The following CBR4 variants were observed in gnomAD, a reference collection of about 807,000 sequenced individuals.
CBR4 encodes carbonyl reductase 4.
CBR4 carries 22 observed loss-of-function variants against 21.0 expected under a neutral mutation model. The observed-to-expected ratio is 1.05, with a 90% CI of 0.75 to 1.50. The LOEUF is 1.50. CBR4 is among the 40% of genes most tolerant of loss of function. The pLI is 0.00. For missense variants in CBR4, 302 were observed against 286.3 expected (o/e 1.05, Z -0.40); for synonymous variants, 100 against 104.4 (o/e 0.96, Z 0.26).
chr4:168,959,587 A>G (rs1763786742), intron 2 of CBR4, among the ~76,000 whole-genome samples: 1 of 114,034 alleles, frequency 8.8e-6, no homozygotes, highest in Non-Finnish European at 1.6e-5. Context: ...TTTTTTGGAG[A>G]TAGAGTCTCA....
At chr4:169,006,013 A>C (rs1730883112) in intron 3 of CBR4, 1 of 795,638 alleles carries the variant, frequency 1.3e-6, no homozygotes, top group Admixed American at 2.4e-5. Flanking sequence ...TTGCATTTTA[A>C]GTTCTACAGG....
chr4:168,947,122 A>G (rs1242363315), intron 2 of CBR4, among the ~76,000 whole-genome samples: 2 of 152,040 alleles, frequency 1.3e-5, no homozygotes, highest in African/African-American at 4.8e-5. Context: ...TGCCCCTGTC[A>G]TGTTTTTTTT....
chr4:168,926,538 CA>C (rs1762604204), intron 2 of CBR4: 5 of 590,216 alleles, frequency 8.5e-6, no homozygotes, highest in Non-Finnish European at 1.5e-5. Flanking sequence ...CTTGATATAC[CA>C]AACTTAGTTT....
intron 2 of CBR4, among the ~76,000 whole-genome samples, chr4:168,945,202 C>T (rs185010939): frequency 1.4e-4 from 21 of 152,262 alleles, no homozygotes; most frequent in African/African-American, 4.8e-4. Flanking sequence ...GAGCCCAGCA[C>T]TCTGCATTTT....
chr4:168,956,597 C>CAAAAAAAAAAA, intron 2 of CBR4, among the ~76,000 whole-genome samples: 1 of 29,674 alleles, frequency 3.4e-5, no homozygotes, highest in Non-Finnish European at 6.3e-5. Context: ...GACCCTGTCT[C>CAAAAAAAAAAA]AAAAAAAAAA....
At position 168,940,237 on chromosome 4, in the gene CBR4, A is replaced by G. The variant is rs139811794; in HGVS notation, n.170-45472T>C. Among the ~76,000 whole-genome samples, 736 of 152,330 alleles carry G rather than the reference A, an allele frequency of 4.8e-3. 7 individuals carry two copies. Among genetic ancestry groups the G allele is most frequent in the Admixed American group, 5.5e-3 (84 of 15,310 alleles). The stretch of plus-strand genomic sequence containing the variant: ...GCTGCTGGGAAAACTGGCTAGCCAT[A>G]TGCAGAAAACTGAAACTGAACCCCT... On this transcript the variant is annotated intron_variant and non_coding_transcript_variant, in intron 2 of 3. Transcript: ENST00000509108.
intron 4 of CBR4, chr4:169,001,151 AT>A (rs200561073): frequency 0.013 from 1,684 of 132,190 alleles, 10 homozygotes; most frequent in African/African-American, 0.022. Flanking sequence ...CACCCAGCTA[AT>A]TTTTTTTTTT....
chr4:169,008,486 T>G (rs1731110722), intron 1 of CBR4, among the ~76,000 whole-genome samples: 1 of 152,222 alleles, frequency 6.6e-6, no homozygotes, highest in African/African-American at 2.4e-5. Context: ...AAACAATTCT[T>G]TATTTTCTGT....
At chr4:169,006,938 A>G in intron 2 of CBR4, 47 bp from the exon 3 acceptor site, 1 of 1,496,166 alleles carries the variant, frequency 6.7e-7, no homozygotes, top group Non-Finnish European at 9.3e-7. Flanking sequence ...CAAGATAAAA[A>G]CCAAAAAGGT....
chr4:168,954,533 AC>A (rs1393252604), intron 2 of CBR4, among the ~76,000 whole-genome samples: 2 of 152,192 alleles, frequency 1.3e-5, no homozygotes, highest in Non-Finnish European at 2.9e-5. Context: ...TAATACTATC[AC>A]AATGGCAATT....
At chr4:168,946,199 C>T (rs138864604) in intron 2 of CBR4, among the ~76,000 whole-genome samples, 9 of 152,266 alleles carry the variant, frequency 5.9e-5, no homozygotes, top group African/African-American at 2.2e-4. Context: ...CAGCTTTCTT[C>T]CCTCTTTGGG....
chr4:168,925,031 A>AGAAT (rs748489494), intron 2 of CBR4: 1 of 1,614,140 alleles, frequency 6.2e-7, no homozygotes, highest in Non-Finnish European at 8.5e-7. Flanking sequence ...GTGTCAGCCA[A>AGAAT]GAATGAAGCA....
At chr4:169,003,680 TA>T (rs200793114) in intron 3 of CBR4, among the ~76,000 whole-genome samples, 1,728 of 151,914 alleles carry the variant, frequency 0.011, 48 homozygotes, top group African/African-American at 0.04. Flanking sequence ...TGTCTTATTC[TA>T]AGACTTGGAA....
At position 168,987,675 on chromosome 4, in the gene CBR4, C is replaced by T. The variant is rs1764735351; in HGVS notation, c.*2475G>A. ...ATGATTTCTCAATTTACACATATTC[C>T]TTTTGAAAATCTTAGAAAAAATGTT... On this transcript the variant is annotated 3_prime_UTR_variant, in exon 5 of 5. Transcript: ENST00000306193. The T allele has an allele frequency of 1.0e-6, 1 of 978,384 alleles. No individual in the cohort carries two copies. Among genetic ancestry groups the T allele is most frequent in the Admixed American group, 6.2e-5 (1 of 16,258 alleles). The allele number at this position is 978,384 out of a possible 1,614,324, so 60.6% of individuals were successfully genotyped here. A position where few individuals can be genotyped will look rare whatever the true frequency, so the allele number is the denominator to read the frequency against.
intron 4 of CBR4, 78 bp from the exon 5 acceptor site, chr4:168,990,406 T>G (rs1050266827): frequency 5.3e-5 from 68 of 1,284,208 alleles, no homozygotes; most frequent in Non-Finnish European, 6.7e-5. Context: ...ATAATAAATT[T>G]GTTTCTGAAA....
chr4:168,895,857 C>T (rs948972209), intron 2 of CBR4, among the ~76,000 whole-genome samples: 12 of 152,138 alleles, frequency 7.9e-5, no homozygotes, highest in Non-Finnish European at 1.6e-4. Context: ...TGTTCTTCAA[C>T]TTAGTATGGG....
At chr4:168,937,369 A>G (rs764803281) in intron 2 of CBR4, among the ~76,000 whole-genome samples, 9 of 152,214 alleles carry the variant, frequency 5.9e-5, no homozygotes, top group Non-Finnish European at 1.0e-4. Flanking sequence ...ACCAAACTGT[A>G]AAGACCATCA....
chr4:168,922,325 A>G (rs1473664141), intron 2 of CBR4, among the ~76,000 whole-genome samples: 1 of 152,194 alleles, frequency 6.6e-6, no homozygotes, highest in East Asian at 1.9e-4. Context: ...ACCATCCTTA[A>G]GAGTTAGGTG....
rs371778641 is a variant in CBR4, at chr4:168,949,671, G to A, written n.169+52400C>T. On this transcript the variant is annotated intron_variant and non_coding_transcript_variant, in intron 2 of 3. Coordinates refer to the CBR4 transcript ENST00000509108. Reference sequence around the variant, plus strand: ...AGAGTTCCCTCTTTCTGTATGTTGTGGAATAGTGTCAAAAGGATTGGTACC... The same window carrying A: ...AGAGTTCCCTCTTTCTGTATGTTGTAGAATAGTGTCAAAAGGATTGGTACC... Among the ~76,000 whole-genome samples, 11 of 152,160 alleles carry A rather than the reference G, an allele frequency of 7.2e-5. No homozygotes were observed. In the East Asian group the frequency reaches 1.2e-3, roughly 16 times the overall value.
Sources: allele counts gnomAD v4.1 joint callset (sites outside exome capture counted in the v4.1 genomes callset), GRCh38; gene constraint gnomAD v4.1.1; transcripts MANE v1.5; gene names NCBI Gene and HGNC (gene_info 2026-07-23, HGNC 2026-07-21).